The following ERCC2 variants were observed in gnomAD, a reference collection of about 807,000 sequenced individuals.
ERCC2 encodes the protein general transcription and DNA repair factor IIH helicase subunit XPD.
Under a neutral mutation model 99.4 loss-of-function variants are expected in ERCC2, and 90 were observed. The ratio of observed to expected loss-of-function variants is 0.91; its 90% CI spans 0.76 to 1.08. The LOEUF (loss-of-function observed/expected upper bound fraction) is 1.08. ERCC2 is among the 50% of genes least tolerant of loss of function. The pLI, the probability that ERCC2 is intolerant of heterozygous loss-of-function variation, is 0.00. For synonymous variants in ERCC2, 497 were observed against 432.4 expected (o/e 1.15, Z -1.85); for missense variants, 993 against 1,038.1 (o/e 0.96, Z 0.60).
chr19:45,352,329 C>CCG lies in ERCC2; in HGVS notation c.2068_2069dup (p.Lys692GlyfsTer18). On this transcript the variant is annotated frameshift_variant, in exon 22 of 23. Transcript: ENST00000391945. LOFTEE classifies it high-confidence loss of function. ...CCTGGATCCAGCGGGGCAGCTTCCC[C>CCG]CGCTTGTCCCCACGGGCAAACCGCT... is the stretch of plus-strand genomic sequence containing the variant. 6.2e-7 allele frequency: 1 copy of CCG among 1,614,044 alleles called. No individual in the cohort carries two copies. Among genetic ancestry groups the CCG allele is most frequent in the Non-Finnish European group, 8.5e-7 (1 of 1,180,016 alleles).
At chr19:45,367,353 A>AAC (rs1972456620) in intron 5 of ERCC2, among the ~76,000 whole-genome samples, 1 of 41,554 alleles carries the variant, frequency 2.4e-5, no homozygotes, top group Non-Finnish European at 3.8e-5. Context: ...AACAAAACAA[A>AAC]AATATATATA....
At position 45,370,462 on chromosome 19, in the gene ERCC2, C is replaced by T. The variant is rs1162937021; in HGVS notation, c.5+74G>A. 3.5e-6 allele frequency: 5 copies of T among 1,439,504 alleles called. No individual in the cohort carries two copies. In the African/African-American group the frequency reaches 4.3e-5, roughly 12 times the overall value. 89.2% of individuals were successfully genotyped at this position (1,439,504 alleles called of 1,614,324 possible). On this transcript the variant is annotated intron_variant, in intron 1 of 22. Transcript: ENST00000391945. ...CCCCTCGCCCCCTTGGGGACCCAGG[C>T]GCGCCCACCGATGACCCCATCTTCA...
At chr19:45,354,969 T>TC in intron 16 of ERCC2, 118 bp from the exon 17 acceptor site, 1 of 1,286,510 alleles carries the variant, frequency 7.8e-7, no homozygotes, top group Non-Finnish European at 1.1e-6. Context: ...TTCACACATA[T>TC]CCCCCTCCTC....
chr19:45,361,489 G>C (rs747884628), intron 12 of ERCC2, 35 bp downstream of exon 12: 1 of 1,455,796 alleles, frequency 6.9e-7, no homozygotes, highest in Admixed American at 1.7e-5. Flanking sequence ...CCAGCTGCTA[G>C]GAGGCCCAGC....
intron 19 of ERCC2, 67 bp from the exon 20 acceptor site, chr19:45,352,883 C>G: frequency 1.3e-6 from 2 of 1,493,488 alleles, no homozygotes; most frequent in African/African-American, 1.4e-5. Flanking sequence ...GACAGCCTCA[C>G]GCGACCCAGG....
Position 45,352,486 on chromosome 19 carries a change from G to A in ERCC2, c.2046+20C>T. ...CTTGGAGCCTGGGATGGGAGCACAG[G>A]GGCACCCCTGAAGCTGCACCTTGTC... On this transcript the variant is annotated intron_variant, in intron 21 of 22. Coordinates refer to ENST00000391945, the MANE Select transcript of ERCC2 (RefSeq NM_000400.4). The A allele has an allele frequency of 6.2e-7, 1 of 1,614,146 alleles. No individual in the cohort carries two copies. Among genetic ancestry groups the A allele is most frequent in the Non-Finnish European group, 8.5e-7 (1 of 1,180,040 alleles).
rs147128863 is a variant in ERCC2 at position 45,352,272 on chromosome 19, G to C, written c.2127C>G (p.Thr709=). The C allele has an allele frequency of 2.5e-6, 4 of 1,614,078 alleles. No individual in the cohort carries two copies. Among genetic ancestry groups the C allele is most frequent in the Admixed American group, 1.7e-5 (1 of 60,032 alleles). Residue 709 remains threonine (T), a synonymous_variant, in exon 22 of 23, where the codon ACC becomes ACG. Coordinates refer to ENST00000391945, the MANE Select transcript of ERCC2 (RefSeq NM_000400.4). ...TGGCCACCTGGACACCCTCGTCCAC[G>C]GTCAGGTTGAGGTTGGCATCTGTGA... The part of the protein sequence containing the change: ...EHLTDANLNL[T]VDEGVQVAKY...
At chr19:45,356,953 T>A (rs996971698) in intron 15 of ERCC2, among the ~76,000 whole-genome samples, 6 of 152,156 alleles carry the variant, frequency 3.9e-5, no homozygotes, top group Non-Finnish European at 7.4e-5. Context: ...CTCGGCAAGA[T>A]GCTAAGATGC....
chr19:45,353,606 A>AGG (rs1971906926), intron 17 of ERCC2, among the ~76,000 whole-genome samples: 1 of 152,186 alleles, frequency 6.6e-6, no homozygotes, highest in South Asian at 2.1e-4. Context: ...CGATTGGTGG[A>AGG]GGGGCTGACT....
rs553749571 is a variant in ERCC2 at position 45,350,746 on chromosome 19, G to C, written c.*883C>G. 6.2e-7 allele frequency: 1 copy of C among 1,609,360 alleles called. No homozygotes were observed. Among genetic ancestry groups the C allele is most frequent in the Non-Finnish European group, 8.5e-7 (1 of 1,178,174 alleles). On this transcript the variant is annotated 3_prime_UTR_variant, in exon 23 of 23. Transcript: ENST00000391945. ...AGGCGAGGCGGCGGCAGGAGCAGCC[G>C]GGTGAGTGTTGATCAGGTCGGCAAA... is the stretch of plus-strand genomic sequence containing the variant.
At position 45,354,802 on chromosome 19, in the gene ERCC2, G is replaced by A; in HGVS notation, c.1593C>T (p.Val531=). The A allele has an allele frequency of 1.2e-6, 2 of 1,614,100 alleles. No homozygotes were observed. The highest frequency in any genetic ancestry group is 1.7e-6 in the Non-Finnish European group (2 of 1,179,986). The change falls in exon 17 of 23, where the codon GTC becomes GTT. Residue 531 remains valine, a synonymous_variant. Transcript: ENST00000391945. The part of the protein sequence containing the change: ...GNLLLEMSAV[V]PDGIVAFFTS... The stretch of plus-strand genomic sequence containing the variant: ...TGAAGAAGGCCACGATGCCATCAGG[G>A]ACCACAGCGGACATCTCCAGCAGGA...
chr19:45,370,100 C>A (rs765868893), intron 2 of ERCC2, 33 bp downstream of exon 2: 15 of 1,609,464 alleles, frequency 9.3e-6, no homozygotes, highest in South Asian at 3.3e-5. Flanking sequence ...CCCCACCGGT[C>A]GAGTGGGCGG....
rs371832904 is a variant in ERCC2 at position 45,352,985 on chromosome 19, G to A, written c.1831+98C>T. 3.1e-5 allele frequency: 43 copies of A among 1,368,904 alleles called. 1 individual carries two copies. The highest frequency in any genetic ancestry group is 1.6e-4 in the East Asian group (7 of 43,740). 84.8% of individuals were successfully genotyped at this position (1,368,904 alleles called of 1,614,324 possible). A position where few individuals can be genotyped will look rare whatever the true frequency, so the allele number is the denominator to read the frequency against. ...AGGGCCCCTCTGTGCACCTAGGCTGGGGGTGGGTGGTTCCCCGCGGGAGCA... is the reference window on the plus strand; with the variant it reads ...AGGGCCCCTCTGTGCACCTAGGCTGAGGGTGGGTGGTTCCCCGCGGGAGCA... On this transcript the variant is annotated intron_variant, in intron 19 of 22. Coordinates refer to ENST00000391945, the MANE Select transcript of ERCC2 (RefSeq NM_000400.4).
At chr19:45,355,364 G>C (rs985475031) in intron 16 of ERCC2, among the ~76,000 whole-genome samples, 1 of 152,064 alleles carries the variant, frequency 6.6e-6, no homozygotes, top group Non-Finnish European at 1.5e-5. Flanking sequence ...CTCAAAAAAA[G>C]GCCATGTGTC....
rs755845095 is a variant in ERCC2 at position 45,350,768 on chromosome 19, C to G, written c.*861G>C. ...GCCGGGTGAGTGTTGATCAGGTCGGCAAAGAGCCCTGACATCAGCAGAATC... is the reference window on the plus strand; with the variant it reads ...GCCGGGTGAGTGTTGATCAGGTCGGGAAAGAGCCCTGACATCAGCAGAATC... On this transcript the variant is annotated 3_prime_UTR_variant, in exon 23 of 23. Coordinates refer to ENST00000391945, the MANE Select transcript of ERCC2 (RefSeq NM_000400.4). 1.9e-6 allele frequency: 3 copies of G among 1,594,288 alleles called. No homozygotes were observed. Among genetic ancestry groups the G allele is most frequent in the Non-Finnish European group, 1.7e-6 (2 of 1,169,362 alleles).
chr19:45,357,212 G>T, intron 15 of ERCC2, 58 bp downstream of exon 15: 1 of 1,260,392 alleles, frequency 7.9e-7, no homozygotes, highest in African/African-American at 1.5e-5. Flanking sequence ...CAAGGAAGGA[G>T]GGCGGCCCCT....
intron 22 of ERCC2, 67 bp from the exon 23 acceptor site, chr19:45,351,788 TC>T: frequency 6.9e-7 from 1 of 1,440,090 alleles, no homozygotes. Context: ...CTGCTGCACT[TC>T]CCCAACCACC....
intron 5 of ERCC2, among the ~76,000 whole-genome samples, chr19:45,367,539 C>T (rs1369303239): frequency 2.9e-4 from 40 of 139,106 alleles, no homozygotes; most frequent in African/African-American, 1.0e-3. Flanking sequence ...TTTTTTGAGA[C>T]GGAGTTTCAC....
rs748349233 is a variant in ERCC2, at chr19:45,350,719, C to CGAA, written c.*909_*910insTTC. ...AAGTGAGAAGCTGGTCTCCCGGCTC[C>CGAA]GAGGCGAGGCGGCGGCAGGAGCAGC... On this transcript the variant is annotated 3_prime_UTR_variant, in exon 23 of 23. Coordinates refer to ENST00000391945, the MANE Select transcript of ERCC2 (RefSeq NM_000400.4). 1.3e-5 allele frequency: 21 copies of CGAA among 1,612,898 alleles called. No homozygotes were observed. Among genetic ancestry groups the CGAA allele is most frequent in the Middle Eastern group, 1.7e-4 (1 of 6,056 alleles).
Sources: gnomAD v4.1 joint callset for allele counts (sites outside exome capture counted in the v4.1 genomes callset) on GRCh38, gnomAD v4.1.1 for gene constraint, MANE v1.5 for transcripts, NCBI Gene and HGNC (gene_info 2026-07-23, HGNC 2026-07-21) for gene names.